SCAPER: variants seen among roughly 807,000 people sequenced by gnomAD.
SCAPER encodes the protein S phase cyclin A-associated protein in the endoplasmic reticulum.
In SCAPER, 98 loss-of-function variants were observed where a neutral mutation model predicts 182.2. That is an observed-to-expected ratio of 0.54 (90% CI 0.46 to 0.64). SCAPER has a LOEUF of 0.64. Among genes scored for constraint, SCAPER ranks in the 30% least tolerant of loss-of-function variants. The pLI, the probability that SCAPER is intolerant of heterozygous loss-of-function variation, is 0.00. For missense variants in SCAPER, 1,432 were observed against 1,690.0 expected, an observed-to-expected ratio of 0.85 and a Z score of 2.68; for synonymous variants, 605 against 564.6, an observed-to-expected ratio of 1.07 and a Z score of -1.01.
chr15:76,436,306 G>C (rs1448196158), intron 25 of SCAPER, among the ~76,000 whole-genome samples: 2 of 152,194 alleles, frequency 1.3e-5, no homozygotes. Flanking sequence ...GACTTCAGGT[G>C]ATCTGTCCAC....
At chr15:76,859,168 G>A (rs1002408265) in intron 3 of SCAPER, among the ~76,000 whole-genome samples, 2 of 152,134 alleles carry the variant, frequency 1.3e-5, no homozygotes, top group African/African-American at 2.4e-5. Flanking sequence ...ATGTATAACA[G>A]AATAATTTTC....
At chr15:76,702,752 C>A in intron 19 of SCAPER, 98 bp downstream of exon 19, 2 of 1,412,972 alleles carry the variant, frequency 1.4e-6, no homozygotes, top group South Asian at 1.4e-5. Flanking sequence ...TCTCGCCTGC[C>A]TTAGCGTGAG....
At chr15:76,790,856 T>C (rs191454611) in intron 8 of SCAPER, among the ~76,000 whole-genome samples, 39 of 152,366 alleles carry the variant, frequency 2.6e-4, no homozygotes, top group African/African-American at 9.1e-4. Context: ...TGGGTTTAAC[T>C]TGCTTTTCTT....
intron 5 of SCAPER, among the ~76,000 whole-genome samples, chr15:76,828,633 G>A (rs926973890): frequency 1.3e-5 from 2 of 152,122 alleles, no homozygotes; most frequent in South Asian, 4.1e-4. Flanking sequence ...AGACTACAAT[G>A]CATGAAACAC....
At chr15:76,823,886 T>C (rs1213297771) in intron 5 of SCAPER, among the ~76,000 whole-genome samples, 1 of 151,896 alleles carries the variant, frequency 6.6e-6, no homozygotes, top group Non-Finnish European at 1.5e-5. Context: ...TCAGAAGTTT[T>C]CTACTGATTT....
In SCAPER at chr15:76,667,820, G is replaced by A. The variant is rs946784958; in HGVS notation, c.2509-2031C>T. ...ATACAAAAATTAGCCGGGCATGGTG[G>A]TATATGCCTGTACATACCTGTAATC... On this transcript the variant is annotated intron_variant, in intron 20 of 31. Coordinates refer to ENST00000563290, the MANE Select transcript of SCAPER (RefSeq NM_020843.4). 7.9e-5 allele frequency among the ~76,000 whole-genome samples: 12 copies of A among 151,406 alleles called. 1 individual carries two copies. The highest frequency in any genetic ancestry group is 2.9e-4 in the African/African-American group (12 of 41,204).
chr15:76,456,671 G>GT (rs1324084472), intron 25 of SCAPER, among the ~76,000 whole-genome samples: 11 of 152,140 alleles, frequency 7.2e-5, no homozygotes, highest in Admixed American at 7.2e-4. Flanking sequence ...TCTAGTTATT[G>GT]TATCAGTTGC....
rs779888904 is a variant in SCAPER at position 76,593,277 on chromosome 15, C to G, written c.2712-18993G>C. On this transcript the variant is annotated intron_variant, in intron 22 of 31. Transcript: ENST00000563290. ...AGCCAGACTGCCTCTCTAGACTCCT[C>G]CTCTCTGGCCAGGGCATATCTGAAA... Among the ~76,000 whole-genome samples, 14 of 121,240 alleles carry G rather than the reference C, an allele frequency of 1.2e-4. 4 individuals are homozygous for G. The highest frequency in any genetic ancestry group is 5.6e-4 in the Admixed American group (6 of 10,656). 79.5% of individuals were successfully genotyped at this position (121,240 alleles called of 152,430 possible).
chr15:76,770,772 AC>A (rs1229552884), intron 10 of SCAPER, among the ~76,000 whole-genome samples: 6 of 152,120 alleles, frequency 3.9e-5, no homozygotes, highest in Non-Finnish European at 8.8e-5. Flanking sequence ...ACCAAATTCC[AC>A]CCCATACAAT....
At chr15:76,658,382 A>G (rs1380904998) in intron 21 of SCAPER, among the ~76,000 whole-genome samples, 1 of 152,194 alleles carries the variant, frequency 6.6e-6, no homozygotes, top group African/African-American at 2.4e-5. Flanking sequence ...TACAACAAGA[A>G]TTACAAAACA....
intron 20 of SCAPER, among the ~76,000 whole-genome samples, chr15:76,690,287 C>T (rs1037784424): frequency 1.3e-5 from 2 of 152,062 alleles, no homozygotes; most frequent in African/African-American, 4.8e-5. Flanking sequence ...TTCAAGTCAT[C>T]AGGCGAACCC....
chr15:76,515,161 AG>A (rs2042323898), intron 23 of SCAPER, among the ~76,000 whole-genome samples: 1 of 152,200 alleles, frequency 6.6e-6, no homozygotes, highest in Admixed American at 6.5e-5. Flanking sequence ...TCAGTATCAG[AG>A]GAACAATTCC....
chr15:76,886,754 A>G (rs2073861330), intron 1 of SCAPER, among the ~76,000 whole-genome samples: 1 of 152,202 alleles, frequency 6.6e-6, no homozygotes. Flanking sequence ...ATCAACCTAA[A>G]TGCCCTCAAT....
intron 1 of SCAPER, among the ~76,000 whole-genome samples, chr15:76,903,670 T>C (rs182233343): frequency 6.6e-6 from 1 of 152,328 alleles, no homozygotes; most frequent in East Asian, 1.9e-4. Flanking sequence ...CCACTCAGTC[T>C]GAGGTATTTT....
At chr15:76,411,026 T>C (rs1437401428) in intron 26 of SCAPER, among the ~76,000 whole-genome samples, 1 of 152,182 alleles carries the variant, frequency 6.6e-6, no homozygotes, top group Non-Finnish European at 1.5e-5. Context: ...TTGAAGACCA[T>C]ATAAATCTAC....
intron 23 of SCAPER, among the ~76,000 whole-genome samples, chr15:76,511,015 A>G (rs956806746): frequency 6.6e-6 from 1 of 152,212 alleles, no homozygotes; most frequent in Non-Finnish European, 1.5e-5. Context: ...AAAACCAAAC[A>G]TTGTATGTTC....
intron 15 of SCAPER, among the ~76,000 whole-genome samples, chr15:76,743,834 C>G (rs2061668080): frequency 6.6e-6 from 1 of 152,112 alleles, no homozygotes; most frequent in Non-Finnish European, 1.5e-5. Context: ...ATAGCCAAAG[C>G]AATAGTAAGC....
chr15:76,871,388 G>A (rs1172829421), intron 2 of SCAPER, among the ~76,000 whole-genome samples: 4 of 125,352 alleles, frequency 3.2e-5, no homozygotes, highest in South Asian at 2.5e-4. Flanking sequence ...CAGCTTGGGG[G>A]ACAGAACGAG....
intron 26 of SCAPER, among the ~76,000 whole-genome samples, chr15:76,418,603 G>A (rs746918128): frequency 1.3e-5 from 2 of 152,222 alleles, no homozygotes; most frequent in Non-Finnish European, 2.9e-5. Context: ...CATCTCTGAG[G>A]CCCTGCCATC....
Sources: allele counts gnomAD v4.1 joint callset (sites outside exome capture counted in the v4.1 genomes callset), GRCh38; gene constraint gnomAD v4.1.1; transcripts MANE v1.5; gene names NCBI Gene and HGNC (gene_info 2026-07-23, HGNC 2026-07-21).